CCDC77: variants seen among roughly 807,000 people sequenced by gnomAD.
The protein encoded by CCDC77 is coiled-coil domain-containing protein 77.
CCDC77 carries 56 observed loss-of-function variants against 66.8 expected under a neutral mutation model. That is an observed-to-expected ratio of 0.84 (90% CI 0.68 to 1.05). CCDC77 has a LOEUF of 1.05. Ranked by LOEUF, CCDC77 falls within the 50% of genes least tolerant of loss-of-function variation. CCDC77 has a pLI of 0.00. For missense variants in CCDC77, 570 were observed against 576.8 expected (o/e 0.99, Z 0.12); for synonymous variants, 196 against 195.2 (o/e 1.00, Z -0.03).
Position 423,319 on chromosome 12 carries a change from T to TG in CCDC77, c.413+4683_413+4684insG, listed in dbSNP as rs1565572047. On this transcript the variant is annotated intron_variant, in intron 5 of 12. Coordinates refer to ENST00000239830, the MANE Select transcript of CCDC77 (RefSeq NM_032358.4). Reference sequence around the variant, plus strand: ...TTATATATATATATATTTTTTTTTTTTGTGGAGACAAGGTTTCACCATGTT... The same window carrying TG: ...TTATATATATATATATTTTTTTTTTTGTGTGGAGACAAGGTTTCACCATGTT... Among the ~76,000 whole-genome samples, 113 of 146,250 alleles carry TG rather than the reference T, an allele frequency of 7.7e-4. 1 individual carries two copies. Among genetic ancestry groups the TG allele is most frequent in the African/African-American group, 2.4e-3 (95 of 40,186 alleles).
At chr12:440,331 T>C (rs894711327) in intron 10 of CCDC77, among the ~76,000 whole-genome samples, 2 of 152,228 alleles carry the variant, frequency 1.3e-5, no homozygotes, top group South Asian at 4.1e-4. Context: ...AAACATATAT[T>C]GTAATGTCTT....
chr12:394,738 T>C (rs1006109449), intron 1 of CCDC77, among the ~76,000 whole-genome samples: 16 of 152,338 alleles, frequency 1.1e-4, no homozygotes, highest in Middle Eastern at 6.8e-3. Context: ...GGCATTGTAA[T>C]GAATGATGAT....
At chr12:412,385 T>C (rs1945129743) in intron 4 of CCDC77, among the ~76,000 whole-genome samples, 1 of 152,234 alleles carries the variant, frequency 6.6e-6, no homozygotes, top group Non-Finnish European at 1.5e-5. Context: ...GCTCAATTAT[T>C]CTTCTGCTCC....
intron 2 of CCDC77, among the ~76,000 whole-genome samples, chr12:407,913 G>A (rs1246834059): frequency 6.8e-6 from 1 of 146,016 alleles, no homozygotes; most frequent in Non-Finnish European, 1.5e-5. Flanking sequence ...TCAGCCTCCC[G>A]AGTAGCTGGG....
chr12:441,429 A>AT (rs1437625340), intron 12 of CCDC77, among the ~76,000 whole-genome samples: 8 of 152,136 alleles, frequency 5.3e-5, no homozygotes, highest in Non-Finnish European at 1.0e-4. Context: ...AAAAGAGGAG[A>AT]CGCCTGCTTT....
At chr12:389,590 G>GGAA (rs1565557618) in intron 1 of CCDC77, 7 of 278,772 alleles carry the variant, frequency 2.5e-5, no homozygotes, top group South Asian at 4.5e-5. Flanking sequence ...GGGGCGAGGC[G>GGAA]CGACGCGACG....
Position 415,293 on chromosome 12 carries a change from TATAATCAACATAATATTATGTTAA to T in CCDC77, c.271-3200_271-3177del, listed in dbSNP as rs1275256483. Among the ~76,000 whole-genome samples the T allele has an allele frequency of 5.3e-4, 66 of 124,720 alleles. 3 individuals are homozygous for T. Among genetic ancestry groups the T allele is most frequent in the Middle Eastern group, 4.4e-3 (1 of 226 alleles). The allele number at this position is 124,720 out of a possible 152,430, so 81.8% of individuals were successfully genotyped here. A position where few individuals can be genotyped will look rare whatever the true frequency, so the allele number is the denominator to read the frequency against. ...AATTATTAACATAATATTATGTTAA[TATAATCAACATAATATTATGTTAA>T]TATAATCAACATAATATTATGTTAA... On this transcript the variant is annotated intron_variant, in intron 4 of 12. Coordinates refer to ENST00000239830, the MANE Select transcript of CCDC77 (RefSeq NM_032358.4).
At chr12:392,163 A>G (rs1435081222) in intron 1 of CCDC77, among the ~76,000 whole-genome samples, 1 of 151,968 alleles carries the variant, frequency 6.6e-6, no homozygotes, top group Non-Finnish European at 1.5e-5. Context: ...CTTGACAGTA[A>G]CTTTTCAGAA....
In CCDC77 at chr12:409,403, A is replaced by G; in HGVS notation, c.20A>G (p.His7Arg). 6.2e-7 allele frequency: 1 copy of G among 1,613,500 alleles called. No homozygotes were observed. The highest frequency in any genetic ancestry group is 8.5e-7 in the Non-Finnish European group (1 of 1,179,908). ...GACAGCATGAACTTTACCCCAACACACACCCCTGTCTGCAGAAAGTAAGAC... is the reference window on the plus strand; with the variant it reads ...GACAGCATGAACTTTACCCCAACACGCACCCCTGTCTGCAGAAAGTAAGAC... The part of the protein sequence containing the change: MNFTPT[H>R]TPVCRKRTVV... The change falls in exon 3 of 13, where the codon CAC (histidine) becomes CGC (arginine). Residue 7 changes from histidine (H) to arginine (R), a missense_variant. Transcript: ENST00000239830.
At chr12:423,489 G>GTTTTTT (rs1179236405) in intron 5 of CCDC77, among the ~76,000 whole-genome samples, 3 of 32,682 alleles carry the variant, frequency 9.2e-5, no homozygotes, top group Admixed American at 4.1e-4. Context: ...GTTTTTTTTT[G>GTTTTTT]TTTTGTTTTT....
At chr12:416,369 GTGTGTGTGTA>G (rs1223381039) in intron 4 of CCDC77, among the ~76,000 whole-genome samples, 5 of 29,332 alleles carry the variant, frequency 1.7e-4, no homozygotes, top group Admixed American at 4.6e-4. Context: ...GTGTGTGTGT[GTGTGTGTGTA>G]TATATATATA....
chr12:419,573 T>A (rs4544060), intron 5 of CCDC77, among the ~76,000 whole-genome samples: 8,686 of 18,262 alleles, frequency 0.48, 1,512 homozygotes, highest in Middle Eastern at 0.69. Context: ...ATTACAGTGC[T>A]CTTCTGTGTG....
intron 9 of CCDC77, chr12:436,781 T>A: frequency 1.0e-6 from 1 of 984,140 alleles, no homozygotes; most frequent in Non-Finnish European, 1.2e-6. Context: ...ATTAGATGGA[T>A]CTTCCTAAGA....
At chr12:395,559 A>C (rs1045539537) in intron 1 of CCDC77, among the ~76,000 whole-genome samples, 7 of 152,066 alleles carry the variant, frequency 4.6e-5, no homozygotes, top group South Asian at 2.1e-4. Context: ...GGAAAAAAAA[A>C]CAATAAAAAT....
At chr12:392,605 C>T (rs923782820) in intron 1 of CCDC77, among the ~76,000 whole-genome samples, 2 of 151,916 alleles carry the variant, frequency 1.3e-5, no homozygotes, top group East Asian at 1.9e-4. Context: ...CTTAGCCGGG[C>T]GTAGTGGTGG....
At chr12:418,995 A>G (rs1210012224) in intron 5 of CCDC77, 1 of 191,540 alleles carries the variant, frequency 5.2e-6, no homozygotes, top group Non-Finnish European at 1.1e-5. Context: ...CACCATGCCC[A>G]GCCCTTTAAA....
At chr12:430,283 G>A (rs1005644972) in intron 6 of CCDC77, among the ~76,000 whole-genome samples, 21 of 152,058 alleles carry the variant, frequency 1.4e-4, no homozygotes, top group African/African-American at 3.1e-4. Flanking sequence ...ATGAGCCACC[G>A]CACCTGGCCT....
At chr12:398,082 G>C (rs1944851816), upstream of CCDC77, among the ~76,000 whole-genome samples, 1 of 152,152 alleles carries the variant, frequency 6.6e-6, no homozygotes, top group Non-Finnish European at 1.5e-5. Context: ...GGGTGGCTGT[G>C]GCAATTTCTT....
chr12:438,288 G>T (rs189214270), intron 9 of CCDC77, 47 bp from the exon 10 acceptor site: 2 of 1,252,634 alleles, frequency 1.6e-6, no homozygotes, highest in South Asian at 2.7e-5. Flanking sequence ...GCTTTCAGGT[G>T]TGCTGTGTGC....
Sources: gnomAD v4.1 joint callset for allele counts (sites outside exome capture counted in the v4.1 genomes callset) on GRCh38, gnomAD v4.1.1 for gene constraint, MANE v1.5 for transcripts, NCBI Gene and HGNC (gene_info 2026-07-23, HGNC 2026-07-21) for gene names.